The following TRIM17 variants were observed in gnomAD, a reference collection of about 807,000 sequenced individuals.
TRIM17 encodes the protein tripartite motif containing 17.
A neutral mutation model predicts 35.8 loss-of-function variants in TRIM17; 27 were observed. The observed-to-expected ratio is 0.75, with a 90% CI of 0.56 to 1.04. The LOEUF (loss-of-function observed/expected upper bound fraction) is 1.04. Among genes scored for constraint, TRIM17 ranks in the 50% least tolerant of loss-of-function variants. TRIM17 has a pLI of 0.00. For synonymous variants in TRIM17, 246 were observed against 252.6 expected, an observed-to-expected ratio of 0.97 and a Z score of 0.25; for missense variants, 582 against 612.8, an observed-to-expected ratio of 0.95 and a Z score of 0.53.
Position 228,410,846 on chromosome 1 carries a change from A to G in TRIM17, c.756+100T>C. 1 of 838,772 alleles carries G rather than the reference A, an allele frequency of 1.2e-6. No individual in the cohort carries two copies. Among genetic ancestry groups the G allele is most frequent in the East Asian group, 2.7e-5 (1 of 36,490 alleles). 52.0% of individuals were successfully genotyped at this position (838,772 alleles called of 1,614,324 possible). On this transcript the variant is annotated intron_variant, in intron 4 of 6. Coordinates refer to ENST00000366698, the MANE Select transcript of TRIM17 (RefSeq NM_016102.4). The surrounding 1 kb of genome is among the most constrained non-coding windows in gnomAD (Gnocchi z 4.6). ...CAGGACTAGCAGACTGGGAGCTAAC[A>G]GCCCTTTCCCGTTGGCTGCCTCTTC...
Position 228,408,926 on chromosome 1 carries a change from G to A in TRIM17, c.884-175C>T. ...TGCTTCCACACACCAATTGTGTGTG[G>A]GCCTTGGTGGCAATAAGGTACAGGG... On this transcript the variant is annotated intron_variant, in intron 6 of 6. Transcript: ENST00000366698. The surrounding 1 kb of genome is among the most constrained non-coding windows in gnomAD (Gnocchi z 6.3). 2.7e-6 allele frequency: 4 copies of A among 1,487,290 alleles called. No homozygotes were observed. The highest frequency in any genetic ancestry group is 2.7e-6 in the Non-Finnish European group (3 of 1,114,724). The allele number at this position is 1,487,290 out of a possible 1,614,324, so 92.1% of individuals were successfully genotyped here. A position where few individuals can be genotyped will look rare whatever the true frequency, so the allele number is the denominator to read the frequency against.
chr1:228,409,435 T>G (rs1180008174), intron 4 of TRIM17, 24 bp from the exon 5 acceptor site: 1 of 1,488,524 alleles, frequency 6.7e-7, no homozygotes, highest in East Asian at 2.4e-5. Flanking sequence ...GGACGGAGGG[T>G]GGGGAGTGAG....
At chr1:228,413,727 GAC>G in intron 3 of TRIM17, 68 bp downstream of exon 3, 7 of 1,331,272 alleles carry the variant, frequency 5.3e-6, no homozygotes, top group South Asian at 1.2e-5. Flanking sequence ...CCCACGGGCA[GAC>G]ACAGACGTGG....
chr1:228,414,817 T>A lies in TRIM17; in HGVS notation c.256A>T (p.Met86Leu). Reference protein sequence around the residue: ...PNRLLTKVAEMAQQHPGLQKQ... With the variant: ...PNRLLTKVAELAQQHPGLQKQ... ...TGCAGACCAGGATGCTGCTGCGCCA[T>A]CTCGGCCACCTTGGTCAGCAGCCGG... The change falls in exon 2 of 7, where the codon ATG (methionine) becomes TTG (leucine). Residue 86 changes from methionine to leucine, a missense_variant. Met to Leu is a conservative substitution (Grantham distance 15). Transcript: ENST00000366698. 2 of 1,613,440 alleles carry A rather than the reference T, an allele frequency of 1.2e-6. No individual in the cohort carries two copies. Among genetic ancestry groups the A allele is most frequent in the Non-Finnish European group, 1.7e-6 (2 of 1,180,030 alleles).
Position 228,410,106 on chromosome 1 carries a change from T to C in TRIM17, c.757-695A>G, listed in dbSNP as rs1470673876. On this transcript the variant is annotated intron_variant, in intron 4 of 6. Transcript: ENST00000366698. The surrounding 1 kb of genome is among the most constrained non-coding windows in gnomAD (Gnocchi z 4.6). ...GCTGCTTTGTTTTTCCTTTTCCTTT[T>C]TTTTTTTTTTCCTAGATGTGATCTC... 6.6e-6 allele frequency among the ~76,000 whole-genome samples: 1 copy of C among 151,312 alleles called. No homozygotes were observed. The highest frequency in any genetic ancestry group is 2.4e-5 in the African/African-American group (1 of 41,176).
rs751791452 is a variant in TRIM17 at position 228,411,034 on chromosome 1, G to T, written c.668C>A (p.Ala223Asp). Residue 223 changes from alanine (A) to aspartate (D), a missense_variant, in exon 4 of 7, where the codon GCC becomes GAC. By Grantham distance (126) the Ala-to-Asp change is moderately radical (BLOSUM62 -2). Transcript: ENST00000366698. This position sits in a 1 kb window ranked among gnomAD's most constrained non-coding sequence, Gnocchi z 4.2. ...ETASRLRESV[A>D]CLDRQGHSLE... is the part of the protein sequence containing the mutation. ...AGAGTGACCCTGCCGGTCCAGGCAG[G>T]CCACGCTCTCCCGGAGCCTGCTGGC... 1 of 1,613,410 alleles carries T rather than the reference G, an allele frequency of 6.2e-7. No homozygotes were observed. The highest frequency in any genetic ancestry group is 8.5e-7 in the Non-Finnish European group (1 of 1,179,904).
Position 228,408,508 on chromosome 1 carries a change from C to A in TRIM17, c.1127G>T (p.Arg376Leu). 6.2e-7 allele frequency: 1 copy of A among 1,614,136 alleles called. No homozygotes were observed. Among genetic ancestry groups the A allele is most frequent in the Non-Finnish European group, 8.5e-7 (1 of 1,180,002 alleles). The stretch of plus-strand genomic sequence containing the variant: ...GGGGCACTTGGGGACCCTGTCTTTC[C>A]GGCTCACGTTGTCCCTGCACACACC... Reference protein sequence around the residue: ...ALGVCRDNVSRKDRVPKCPEN... With the variant: ...ALGVCRDNVSLKDRVPKCPEN... The change falls in exon 7 of 7, where the codon CGG becomes CTG. Residue 376 changes from arginine (R) to leucine (L), a missense_variant. Physicochemically the swap from Arg to Leu is moderately radical, Grantham distance 102. Transcript: ENST00000366698. The surrounding 1 kb of genome is among the most constrained non-coding windows in gnomAD (Gnocchi z 6.3).
At position 228,413,861 on chromosome 1, in the gene TRIM17, C is replaced by T. The variant is rs757104625; in HGVS notation, c.461G>A (p.Arg154Gln). The change falls in exon 3 of 7, where the codon CGG (arginine) becomes CAG (glutamine). Residue 154 changes from arginine to glutamine, a missense_variant. Transcript: ENST00000366698. ...LKLEEDMEYL[R>Q]EQITRTGNLQ... ...ATTCCCTGTCCTGGTGATCTGCTCC[C>T]GAAGGTACTCCATGTCCTCCTCCAG... 2.5e-5 allele frequency: 40 copies of T among 1,614,074 alleles called. No individual in the cohort carries two copies. Among genetic ancestry groups the T allele is most frequent in the Middle Eastern group, 1.6e-4 (1 of 6,084 alleles).
chr1:228,413,980 C>T (rs1656938845), intron 2 of TRIM17, 88 bp from the exon 3 acceptor site: 1 of 1,071,864 alleles, frequency 9.3e-7, no homozygotes, highest in Admixed American at 1.7e-5. Flanking sequence ...AAACTGCACC[C>T]ACCCCAGAGA....
At chr1:228,409,708 A>C in intron 4 of TRIM17, 1 of 341,088 alleles carries the variant, frequency 2.9e-6, no homozygotes, top group Non-Finnish European at 5.3e-6. Context: ...GTGGCCACTC[A>C]ACACTGACCC....
intron 4 of TRIM17, 44 bp from the exon 5 acceptor site, chr1:228,409,455 T>C: frequency 6.8e-7 from 1 of 1,470,512 alleles, no homozygotes; most frequent in Non-Finnish European, 9.0e-7. Context: ...GCCAAGCTCC[T>C]GGCTCACCTC....
rs367802352 is a variant in TRIM17 at position 228,408,350 on chromosome 1, C to A, written c.1285G>T (p.Val429Leu). 6.2e-7 allele frequency: 1 copy of A among 1,614,140 alleles called. No homozygotes were observed. Among genetic ancestry groups the A allele is most frequent in the African/African-American group, 1.3e-5 (1 of 75,064 alleles). ...CCATCGCTTACACTGTAGAAGGACA[C>A]TTCCCCGGCTTCGAAGTCCAGGAAG... The part of the protein sequence containing the change: ...GIFLDFEAGE[V>L]SFYSVSDGSH... The change falls in exon 7 of 7, where the codon GTG becomes TTG. Residue 429 changes from valine to leucine, a missense_variant. Transcript: ENST00000366698. The surrounding 1 kb of genome is among the most constrained non-coding windows in gnomAD (Gnocchi z 6.3).
rs1344407962 is a variant in TRIM17, at chr1:228,416,807, G to C, written c.-310C>G. On this transcript the variant is annotated 5_prime_UTR_variant, in exon 1 of 7. Transcript: ENST00000366698. ...TGGGGGTGGCTTGGGGAAGGAAGGC[G>C]GCAGGGGGTGGAAGGCTCTGGACGA... is the stretch of plus-strand genomic sequence containing the variant. The C allele has an allele frequency of 1.0e-6, 1 of 984,336 alleles. No homozygotes were observed. Among genetic ancestry groups the C allele is most frequent in the Non-Finnish European group, 1.2e-6 (1 of 829,542 alleles). 61.0% of individuals were successfully genotyped at this position (984,336 alleles called of 1,614,324 possible). A position where few individuals can be genotyped will look rare whatever the true frequency, so the allele number is the denominator to read the frequency against.
In TRIM17 at chr1:228,415,338, G is replaced by T. The variant is rs1021930515; in HGVS notation, c.-41-225C>A. 1.1e-4 allele frequency: 48 copies of T among 427,440 alleles called. No homozygotes were observed. In the South Asian group the frequency reaches 1.8e-3, roughly 16 times the overall value. The allele number at this position is 427,440 out of a possible 1,614,324, so 26.5% of individuals were successfully genotyped here. A position where few individuals can be genotyped will look rare whatever the true frequency, so the allele number is the denominator to read the frequency against. On this transcript the variant is annotated intron_variant, in intron 1 of 6. Coordinates refer to ENST00000366698, the MANE Select transcript of TRIM17 (RefSeq NM_016102.4). ...GGCCCCTCCGCCTCTCCTCTCCACT[G>T]GGCCTGGACCCTACCCGTCCACTTC...
Position 228,410,926 on chromosome 1 carries a change from T to C in TRIM17, c.756+20A>G. Reference sequence around the variant, plus strand: ...GTCAGAGCTCACATCCCACCCTGCCTGCCAAGCCTACTGGCTCACCTGCAG... The same window carrying C: ...GTCAGAGCTCACATCCCACCCTGCCCGCCAAGCCTACTGGCTCACCTGCAG... On this transcript the variant is annotated intron_variant, in intron 4 of 6. Transcript: ENST00000366698. The surrounding 1 kb of genome is among the most constrained non-coding windows in gnomAD (Gnocchi z 4.6). 6.7e-7 allele frequency: 1 copy of C among 1,490,274 alleles called. No individual in the cohort carries two copies. The highest frequency in any genetic ancestry group is 8.9e-7 in the Non-Finnish European group (1 of 1,117,740). 92.3% of individuals were successfully genotyped at this position (1,490,274 alleles called of 1,614,324 possible). A position where few individuals can be genotyped will look rare whatever the true frequency, so the allele number is the denominator to read the frequency against.
chr1:228,416,250 A>G (rs966298404), intron 1 of TRIM17: 7 of 793,184 alleles, frequency 8.8e-6, no homozygotes, highest in Admixed American at 6.2e-5. Context: ...ACTCCCCCCA[A>G]GAGCCCTAAC....
intron 2 of TRIM17, among the ~76,000 whole-genome samples, chr1:228,414,120 A>G (rs1656948903): frequency 6.6e-6 from 1 of 152,234 alleles, no homozygotes; most frequent in African/African-American, 2.4e-5. Context: ...TCCTAAGAGC[A>G]GAAGGCACAG....
rs1391505260 is a variant in TRIM17, at chr1:228,416,653, GGGGACCTGGGGTCGGGAGGCCTA to G, written c.-179_-157del. ...GAGGCTGCGGCCCGGCCCGGGGCGT[GGGGACCTGGGGTCGGGAGGCCTA>G]GGGACTTTGTGGCGTCAGCGGGGGC... On this transcript the variant is annotated 5_prime_UTR_variant, in exon 1 of 7. Transcript: ENST00000366698. 8.1e-6 allele frequency: 8 copies of G among 985,212 alleles called. No homozygotes were observed. Among genetic ancestry groups the G allele is most frequent in the Non-Finnish European group, 9.6e-6 (8 of 829,942 alleles). The allele number at this position is 985,212 out of a possible 1,614,324, so 61.0% of individuals were successfully genotyped here.
Position 228,408,796 on chromosome 1 carries a change from C to A in TRIM17, c.884-45G>T. 6.4e-7 allele frequency: 1 copy of A among 1,566,898 alleles called. No homozygotes were observed. The highest frequency in any genetic ancestry group is 1.2e-5 in the South Asian group (1 of 85,850). On this transcript the variant is annotated intron_variant, in intron 6 of 6. Coordinates refer to ENST00000366698, the MANE Select transcript of TRIM17 (RefSeq NM_016102.4). The surrounding 1 kb of genome is among the most constrained non-coding windows in gnomAD (Gnocchi z 6.3). Reference sequence around the variant, plus strand: ...TGGAGAGATGGGGAGAGGTGTGGGGCATTCAGGGTCAAAGGTGGGAGTCCC... The same window carrying A: ...TGGAGAGATGGGGAGAGGTGTGGGGAATTCAGGGTCAAAGGTGGGAGTCCC...
Sources: allele counts gnomAD v4.1 joint callset (sites outside exome capture counted in the v4.1 genomes callset), GRCh38; gene constraint gnomAD v4.1.1; non-coding constraint Gnocchi (gnomAD v3.1); transcripts MANE v1.5; gene names NCBI Gene and HGNC (gene_info 2026-07-23, HGNC 2026-07-21).